GDF6: variants seen among roughly 807,000 people sequenced by gnomAD.
GDF6 encodes the protein growth differentiation factor 6.
In GDF6, 3 loss-of-function variants were observed where a neutral mutation model predicts 32.4. The ratio of observed to expected loss-of-function variants is 0.09; its 90% CI spans 0.04 to 0.24. GDF6 has a LOEUF of 0.24. GDF6 is among the 10% of genes least tolerant of loss of function. The pLI is 1.00. For synonymous variants in GDF6, 296 were observed against 295.3 expected (o/e 1.00, Z -0.03); for missense variants, 589 against 637.9 (o/e 0.92, Z 0.83).
intron 1 of GDF6, among the ~76,000 whole-genome samples, chr8:96,157,086 T>A (rs1812676873): frequency 6.6e-6 from 1 of 152,244 alleles, no homozygotes; most frequent in African/African-American, 2.4e-5. Flanking sequence ...CTAAGCGAGA[T>A]AATTCATGTA....
Position 96,145,333 on chromosome 8 carries a change from G to T in GDF6, c.598C>A (p.Arg200=), listed in dbSNP as rs1440526922. 7 of 1,539,264 alleles carry T rather than the reference G, an allele frequency of 4.5e-6. 1 individual carries two copies. The South Asian group carries it at 8.3e-5, about 18-fold the overall frequency. The change falls in exon 2 of 2, where the codon CGG becomes AGG. Residue 200 remains arginine (R), a synonymous_variant. Coordinates refer to ENST00000287020, the MANE Select transcript of GDF6 (RefSeq NM_001001557.4). The surrounding 1 kb of genome is among the most constrained non-coding windows in gnomAD (Gnocchi z 5.6). ...GGCGCCCCCTGCGGGTCCAGGGTCCGCGCGTCCAGCAGTAGGGGCGAAAGG... is the reference window on the plus strand; with the variant it reads ...GGCGCCCCCTGCGGGTCCAGGGTCCTCGCGTCCAGCAGTAGGGGCGAAAGG... ...PCLSPLLLDA[R]TLDPQGAPPA...
intron 1 of GDF6, among the ~76,000 whole-genome samples, chr8:96,153,376 A>C (rs991296798): frequency 6.6e-6 from 1 of 152,158 alleles, no homozygotes; most frequent in Admixed American, 6.5e-5. Context: ...AGCGGCTCAA[A>C]TCTTAATTTG....
chr8:96,152,959 A>C (rs890810680), intron 1 of GDF6, among the ~76,000 whole-genome samples: 1 of 152,292 alleles, frequency 6.6e-6, no homozygotes, highest in Admixed American at 6.5e-5. Flanking sequence ...GCTGCGGCTC[A>C]AGGTGAGGCA....
Position 96,145,164 on chromosome 8 carries a change from G to A in GDF6, c.767C>T (p.Pro256Leu), listed in dbSNP as rs1812453650. Reference sequence around the variant, plus strand: ...GCCCAGACTCCGCAGGTCCGGGGGCGGCGGTTGCTGGGGTCCCCGCGCGCG... The same window carrying A: ...GCCCAGACTCCGCAGGTCCGGGGGCAGCGGTTGCTGGGGTCCCCGCGCGCG... Reference protein sequence around the residue: ...EARARGPQQPPPPDLRSLGFG... With the variant: ...EARARGPQQPLPPDLRSLGFG... The change falls in exon 2 of 2, where the codon CCG (proline) becomes CTG (leucine). Residue 256 changes from proline to leucine, a missense_variant. Physicochemically the swap from Pro to Leu is moderately conservative, Grantham distance 98 (BLOSUM62 -3). Around this residue, in one of 2 missense-constraint regions of GDF6, gnomAD observed 436 missense variants for 411.2 expected, o/e 1.06. Transcript: ENST00000287020. This position sits in a 1 kb window ranked among gnomAD's most constrained non-coding sequence, Gnocchi z 5.6. The A allele has an allele frequency of 3.3e-6, 5 of 1,500,510 alleles. No homozygotes were observed. Among genetic ancestry groups the A allele is most frequent in the Middle Eastern group, 2.2e-4 (1 of 4,614 alleles). The allele number at this position is 1,500,510 out of a possible 1,614,324, so 92.9% of individuals were successfully genotyped here.
Position 96,155,781 on chromosome 8 carries a change from TC to T in GDF6, c.406+4505del, listed in dbSNP as rs746412093. 6.2e-4 allele frequency among the ~76,000 whole-genome samples: 95 copies of T among 152,186 alleles called. 1 individual carries two copies. Among genetic ancestry groups the T allele is most frequent in the South Asian group, 1.2e-3 (6 of 4,834 alleles). On this transcript the variant is annotated intron_variant, in intron 1 of 1. Coordinates refer to ENST00000287020, the MANE Select transcript of GDF6 (RefSeq NM_001001557.4). ...CACCAAATAATTAACAGTTGTGAAT[TC>T]CCTCCGTCCCCATTAAAATACTTCC...
rs1812551475 is a variant in GDF6 at position 96,150,576 on chromosome 8, T to C, written c.407-5052A>G. Among the ~76,000 whole-genome samples the C allele has an allele frequency of 2.0e-5, 3 of 152,260 alleles. No homozygotes were observed. The South Asian group carries it at 6.2e-4, about 31-fold the overall frequency. On this transcript the variant is annotated intron_variant, in intron 1 of 1. Transcript: ENST00000287020. ...GGTCAGGCCTACTGTGATACTCACT[T>C]ATAGATGAAGAAACTAAAGCTCTAA...
rs997734437 is a variant in GDF6, at chr8:96,147,229, C to G, written c.407-1705G>C. ...GGCTGGTTCACTCTTACGCACATGCCCCAACCTGAGATGGGGTGTGGGAAG... is the reference window on the plus strand; with the variant it reads ...GGCTGGTTCACTCTTACGCACATGCGCCAACCTGAGATGGGGTGTGGGAAG... On this transcript the variant is annotated intron_variant, in intron 1 of 1. Coordinates refer to ENST00000287020, the MANE Select transcript of GDF6 (RefSeq NM_001001557.4). Among the ~76,000 whole-genome samples, 3 of 152,278 alleles carry G rather than the reference C, an allele frequency of 2.0e-5. 1 individual carries two copies. Among genetic ancestry groups the G allele is most frequent in the Middle Eastern group, 6.8e-3 (2 of 294 alleles).
chr8:96,153,276 T>C (rs552259037), intron 1 of GDF6, among the ~76,000 whole-genome samples: 2 of 152,376 alleles, frequency 1.3e-5, no homozygotes, highest in South Asian at 4.1e-4. Context: ...CTGCGTGCTC[T>C]CTTGAGGGGC....
chr8:96,160,005 G>A (rs1812732907), intron 1 of GDF6, among the ~76,000 whole-genome samples: 1 of 152,030 alleles, frequency 6.6e-6, no homozygotes, highest in Admixed American at 6.5e-5. Flanking sequence ...TCCCCCACCA[G>A]CCACCAACAA....
At chr8:96,154,465 G>A (rs1345121735) in intron 1 of GDF6, among the ~76,000 whole-genome samples, 2 of 152,208 alleles carry the variant, frequency 1.3e-5, no homozygotes, top group African/African-American at 2.4e-5. Context: ...CTGTAAACAG[G>A]AGATACTATT....
In GDF6 at chr8:96,144,951, G is replaced by T. The variant is rs121909356; in HGVS notation, c.980C>A (p.Pro327His). 1.7e-4 allele frequency: 261 copies of T among 1,549,600 alleles called. 1 individual carries two copies. In the South Asian group the frequency reaches 2.9e-3, roughly 17 times the overall value. Residue 327 changes from proline to histidine, a missense_variant, in exon 2 of 2, where the codon CCC becomes CAC. Physicochemically the swap from Pro to His is moderately conservative, Grantham distance 77. Coordinates refer to ENST00000287020, the MANE Select transcript of GDF6 (RefSeq NM_001001557.4). The surrounding 1 kb of genome is among the most constrained non-coding windows in gnomAD (Gnocchi z 5.1). ...SGAPDARPWL[P>H]SPGRRRRRTA... ...GCGCCGCCGCCGGCGGCCGGGCGAG[G>T]GCAGCCAAGGCCTGGCATCCGGGGC...
In GDF6 at chr8:96,145,252, T is replaced by C. The variant is rs1264791999; in HGVS notation, c.679A>G (p.Lys227Glu). 2.6e-6 allele frequency: 4 copies of C among 1,526,430 alleles called. No homozygotes were observed. In the East Asian group the frequency reaches 9.9e-5, roughly 38 times the overall value. The allele number at this position is 1,526,430 out of a possible 1,614,324, so 94.6% of individuals were successfully genotyped here. ...VWQGLRHQPW[K>E]QLCLELRAAW... ...GCCCGCAGCTCCAAGCACAGCTGCTTCCAGGGCTGGTGGCGCAGGCCCTGC... is the reference window on the plus strand; with the variant it reads ...GCCCGCAGCTCCAAGCACAGCTGCTCCCAGGGCTGGTGGCGCAGGCCCTGC... Residue 227 changes from lysine to glutamate, a missense_variant, in exon 2 of 2, where the codon AAG becomes GAG. Lys to Glu is a moderately conservative substitution (Grantham distance 56). Around this residue, in one of 2 missense-constraint regions of GDF6, gnomAD observed 436 missense variants for 411.2 expected, o/e 1.06. Transcript: ENST00000287020. The surrounding 1 kb of genome is among the most constrained non-coding windows in gnomAD (Gnocchi z 5.6).
Position 96,144,244 on chromosome 8 carries a change from T to TAGAGAGAGAGAGAGACAGAGAGACAGAG in GDF6, c.*318_*319insCTCTGTCTCTCTGTCTCTCTCTCTCTCT, listed in dbSNP as rs1812419630. 1 of 217,270 alleles carries TAGAGAGAGAGAGAGACAGAGAGACAGAG rather than the reference T, an allele frequency of 4.6e-6. No homozygotes were observed. Among genetic ancestry groups the TAGAGAGAGAGAGAGACAGAGAGACAGAG allele is most frequent in the African/African-American group, 4.3e-5 (1 of 23,494 alleles). The allele number at this position is 217,270 out of a possible 1,614,324, so 13.5% of individuals were successfully genotyped here. ...ATAAGGAAATCCAAAGCCACAGTAA[T>TAGAGAGAGAGAGAGACAGAGAGACAGAG]AGAGAGAGAGAGAGAGAGAGAGAGA... On this transcript the variant is annotated 3_prime_UTR_variant, in exon 2 of 2. Transcript: ENST00000287020. The surrounding 1 kb of genome is among the most constrained non-coding windows in gnomAD (Gnocchi z 5.1).
rs756016892 is a variant in GDF6 at position 96,145,397 on chromosome 8, C to A, written c.534G>T (p.Gly178=). ...GCACGTGGAGCGGCCCGGCTGGTGG[C>A]CCCCAGGGCGCTGAGGGCGCCTGGC... ...LFRQAPSAPW[G]PPAGPLHVQL... Residue 178 remains glycine (G), a synonymous_variant, in exon 2 of 2, where the codon GGG becomes GGT. Transcript: ENST00000287020. The surrounding 1 kb of genome is among the most constrained non-coding windows in gnomAD (Gnocchi z 5.6). 3 of 1,579,090 alleles carry A rather than the reference C, an allele frequency of 1.9e-6. No homozygotes were observed. Among genetic ancestry groups the A allele is most frequent in the Admixed American group, 3.5e-5 (2 of 56,602 alleles).
intron 1 of GDF6, among the ~76,000 whole-genome samples, chr8:96,151,479 C>T (rs1451076287): frequency 1.3e-5 from 2 of 152,314 alleles, no homozygotes; most frequent in South Asian, 2.1e-4. Context: ...TGTGCCACCA[C>T]CCTAGACATC....
At chr8:96,154,569 C>T (rs1812627821) in intron 1 of GDF6, among the ~76,000 whole-genome samples, 1 of 152,152 alleles carries the variant, frequency 6.6e-6, no homozygotes, top group South Asian at 2.1e-4. Flanking sequence ...ATCCACATTC[C>T]GGCATTCCAC....
rs112309988 is a variant in GDF6, at chr8:96,159,098, G to C, written c.406+1189C>G. On this transcript the variant is annotated intron_variant, in intron 1 of 1. Coordinates refer to ENST00000287020, the MANE Select transcript of GDF6 (RefSeq NM_001001557.4). The stretch of plus-strand genomic sequence containing the variant: ...CGAATCCCGAACCCCAGCGCTGCAA[G>C]GTTTCCGGGCAACCCCACTTAACTG... Among the ~76,000 whole-genome samples the C allele has an allele frequency of 5.3e-3, 813 of 152,322 alleles. 9 individuals carry two copies. Among genetic ancestry groups the C allele is most frequent in the Middle Eastern group, 0.027 (8 of 294 alleles).
At position 96,144,283 on chromosome 8, in the gene GDF6, AGAGAGAG is replaced by A. The variant is rs1812424981; in HGVS notation, c.*273_*279del. The A allele has an allele frequency of 5.1e-5, 25 of 492,254 alleles. No homozygotes were observed. Among genetic ancestry groups the A allele is most frequent in the South Asian group, 2.7e-4 (13 of 48,022 alleles). The allele number at this position is 492,254 out of a possible 1,614,324, so 30.5% of individuals were successfully genotyped here. On this transcript the variant is annotated 3_prime_UTR_variant, in exon 2 of 2. Transcript: ENST00000287020. This position sits in a 1 kb window ranked among gnomAD's most constrained non-coding sequence, Gnocchi z 5.1. Reference sequence around the variant, plus strand: ...GAGAGAGAGAGAGAGAGAGAGAGAGAGAGAGAGAAAACAGAACAAAAGAAATCCTCCT... The same window carrying A: ...GAGAGAGAGAGAGAGAGAGAGAGAGAAAAACAGAACAAAAGAAATCCTCCT...
In GDF6 at chr8:96,160,672, C is replaced by A. The variant is rs779042060; in HGVS notation, c.21G>T (p.Leu7=). The A allele has an allele frequency of 1.9e-6, 3 of 1,613,588 alleles. No individual in the cohort carries two copies. The highest frequency in any genetic ancestry group is 2.2e-5 in the South Asian group (2 of 91,084). MDTPRV[L]LSAVFLISFL... Reference sequence around the variant, plus strand: ...AACTGATGAGGAAGACGGCCGAGAGCAGGACCCTGGGAGTATCCATGGCGG... The same window carrying A: ...AACTGATGAGGAAGACGGCCGAGAGAAGGACCCTGGGAGTATCCATGGCGG... Residue 7 remains leucine (L), a synonymous_variant, in exon 1 of 2, where the codon CTG becomes CTT. Transcript: ENST00000287020.
Sources: gnomAD v4.1 joint callset for allele counts (sites outside exome capture counted in the v4.1 genomes callset) on GRCh38, gnomAD v4.1.1 for gene constraint, gnomAD v4.1.1 regional missense constraint, Gnocchi (gnomAD v3.1) non-coding constraint, MANE v1.5 for transcripts, NCBI Gene and HGNC (gene_info 2026-07-23, HGNC 2026-07-21) for gene names.